CNIH3: variants seen among roughly 807,000 people sequenced by gnomAD.
CNIH3 encodes protein cornichon homolog 3.
CNIH3 carries 14 observed loss-of-function variants against 24.1 expected under a neutral mutation model. The observed-to-expected ratio is 0.58, with a 90% CI of 0.38 to 0.91. CNIH3 has a LOEUF of 0.91. Ranked by LOEUF, CNIH3 falls within the 40% of genes least tolerant of loss-of-function variation. The pLI, the probability that CNIH3 is intolerant of heterozygous loss-of-function variation, is 0.00. For synonymous variants in CNIH3, 68 were observed against 73.8 expected, an observed-to-expected ratio of 0.92 and a Z score of 0.40; for missense variants, 178 against 196.8, an observed-to-expected ratio of 0.90 and a Z score of 0.57.
At chr1:224,709,305 A>T (rs1431831832) in intron 3 of CNIH3, among the ~76,000 whole-genome samples, 1 of 152,100 alleles carries the variant, frequency 6.6e-6, no homozygotes, top group African/African-American at 2.4e-5. Flanking sequence ...GCTTCTAACC[A>T]TCTTGGGCAT....
At chr1:224,679,807 C>T (rs541509563) in intron 1 of CNIH3, among the ~76,000 whole-genome samples, 3 of 152,320 alleles carry the variant, frequency 2.0e-5, no homozygotes, top group South Asian at 2.1e-4. Context: ...CATCTGGGGG[C>T]GGGAAGCTGG....
At chr1:224,519,450 T>A (rs1214437098) in intron 1 of CNIH3, among the ~76,000 whole-genome samples, 1 of 152,170 alleles carries the variant, frequency 6.6e-6, no homozygotes. Flanking sequence ...CGGCAGATCA[T>A]GGGACCTCTT....
At chr1:224,523,469 A>G (rs1259074015) in intron 2 of CNIH3, among the ~76,000 whole-genome samples, 1 of 152,208 alleles carries the variant, frequency 6.6e-6, no homozygotes, top group Non-Finnish European at 1.5e-5. Context: ...AGTCTCATTT[A>G]TGTAAGACTC....
intron 3 of CNIH3, among the ~76,000 whole-genome samples, chr1:224,606,114 C>A (rs572867174): frequency 1.3e-5 from 2 of 151,988 alleles, no homozygotes; most frequent in Non-Finnish European, 2.9e-5. Context: ...TGTGGTCTCG[C>A]GGCAGTGTCT....
At chr1:224,508,886 A>G (rs527292243) in intron 1 of CNIH3, among the ~76,000 whole-genome samples, 5 of 152,360 alleles carry the variant, frequency 3.3e-5, no homozygotes, top group Non-Finnish European at 7.3e-5. Context: ...GTTCAAAGAT[A>G]ACTACGATTT....
intron 4 of CNIH3, among the ~76,000 whole-genome samples, chr1:224,573,415 C>T (rs922258756): frequency 2.0e-5 from 3 of 152,074 alleles, no homozygotes; most frequent in South Asian, 4.2e-4. Context: ...GAGGAAAAGC[C>T]GAGCTCAGCC....
rs1389788047 is a variant in CNIH3, at chr1:224,740,333, G to GT, written c.*979dup. The GT allele has an allele frequency of 6.6e-6, 1 of 152,172 alleles. No homozygotes were observed. Among genetic ancestry groups the GT allele is most frequent in the Non-Finnish European group, 1.5e-5 (1 of 68,024 alleles). The allele number at this position is 152,172 out of a possible 1,614,324, so 9.4% of individuals were successfully genotyped here. ...CTTTTGGGTGGGAGTTATGCTGGGGGTTGTAAATAATGACAAGGCTGAGAT... is the reference window on the plus strand; with the variant it reads ...CTTTTGGGTGGGAGTTATGCTGGGGGTTTGTAAATAATGACAAGGCTGAGAT... On this transcript the variant is annotated 3_prime_UTR_variant, in exon 6 of 6. Coordinates refer to ENST00000272133, the MANE Select transcript of CNIH3 (RefSeq NM_152495.2).
chr1:224,696,794 G>GTA (rs1264285097), intron 3 of CNIH3, among the ~76,000 whole-genome samples: 13 of 152,094 alleles, frequency 8.5e-5, no homozygotes, highest in Admixed American at 8.5e-4. Context: ...GTGTGTGTGT[G>GTA]TGTATGTGGT....
chr1:224,511,709 C>T (rs1348620147), upstream of CNIH3, among the ~76,000 whole-genome samples: 36 of 151,960 alleles, frequency 2.4e-4, no homozygotes, highest in Non-Finnish European at 1.5e-5. Flanking sequence ...AAGAGATTAC[C>T]TGGGTGTGGT....
At chr1:224,648,869 C>G (rs1056964580) in intron 1 of CNIH3, among the ~76,000 whole-genome samples, 1 of 152,152 alleles carries the variant, frequency 6.6e-6, no homozygotes, top group African/African-American at 2.4e-5. Flanking sequence ...AGCATGAGCT[C>G]CAACTACCAC....
intron 2 of CNIH3, among the ~76,000 whole-genome samples, chr1:224,528,137 G>C (rs767739172): frequency 6.6e-6 from 1 of 152,084 alleles, no homozygotes; most frequent in Non-Finnish European, 1.5e-5. Flanking sequence ...GGTGGCACAT[G>C]CCTGTAGTTT....
chr1:224,575,977 G>T lies in CNIH3; in HGVS notation n.517-7187G>T, dbSNP rs1681019703. 3.3e-5 allele frequency among the ~76,000 whole-genome samples: 5 copies of T among 152,214 alleles called. No homozygotes were observed. The South Asian group carries it at 1.0e-3, about 32-fold the overall frequency. On this transcript the variant is annotated intron_variant and non_coding_transcript_variant, in intron 4 of 5. Transcript: ENST00000471578. ...AAGGGAACTTTATTAAAAAGATATG[G>T]ATCTTACAGCATCCAAAGAGCAGAT...
intron 1 of CNIH3, among the ~76,000 whole-genome samples, chr1:224,502,734 T>C (rs1262231325): frequency 6.6e-6 from 1 of 152,262 alleles, no homozygotes; most frequent in East Asian, 1.9e-4. Context: ...TTCATAGTTT[T>C]CACCGCTGGG....
chr1:224,682,832 A>C (rs987725704), intron 2 of CNIH3, among the ~76,000 whole-genome samples: 8 of 152,368 alleles, frequency 5.3e-5, no homozygotes, highest in African/African-American at 1.9e-4. Flanking sequence ...ATTAATAGGC[A>C]GCTCACTTAG....
intron 1 of CNIH3, among the ~76,000 whole-genome samples, chr1:224,639,684 A>G (rs1684264638): frequency 1.3e-5 from 2 of 152,332 alleles, no homozygotes; most frequent in South Asian, 2.1e-4. Context: ...ATAAGGGGGA[A>G]CTGAGGACTG....
chr1:224,508,503 A>T (rs935515498), intron 1 of CNIH3, among the ~76,000 whole-genome samples: 1 of 152,250 alleles, frequency 6.6e-6, no homozygotes, highest in African/African-American at 2.4e-5. Flanking sequence ...ACCATTAGTT[A>T]TACCCTGTGC....
chr1:224,516,050 C>T (rs1678366303), intron 1 of CNIH3, among the ~76,000 whole-genome samples: 1 of 152,046 alleles, frequency 6.6e-6, no homozygotes, highest in East Asian at 1.9e-4. Flanking sequence ...GGCGCGGTGG[C>T]TTACCCCTGT....
chr1:224,451,783 A>G (rs1341770151), intron 1 of CNIH3, among the ~76,000 whole-genome samples: 2 of 152,196 alleles, frequency 1.3e-5, no homozygotes, highest in Non-Finnish European at 2.9e-5. Context: ...ATCCCCAGTC[A>G]GATTGCTTCT....
intron 1 of CNIH3, among the ~76,000 whole-genome samples, chr1:224,499,966 G>A (rs1362128439): frequency 2.0e-5 from 3 of 151,636 alleles, no homozygotes; most frequent in African/African-American, 7.3e-5. Flanking sequence ...TTTGGGTAAG[G>A]CTCAACAATT....
Sources: gnomAD v4.1 joint callset for allele counts (sites outside exome capture counted in the v4.1 genomes callset) on GRCh38, gnomAD v4.1.1 for gene constraint, MANE v1.5 for transcripts, NCBI Gene and HGNC (gene_info 2026-07-23, HGNC 2026-07-21) for gene names.